The following ZNF385D variants were observed in gnomAD, a reference collection of about 807,000 sequenced individuals.
ZNF385D encodes the protein zinc finger protein 385D.
Under a neutral mutation model 35.8 loss-of-function variants are expected in ZNF385D, and 15 were observed. The ratio of observed to expected loss-of-function variants is 0.42; its 90% CI spans 0.28 to 0.64. ZNF385D has a LOEUF of 0.64. Among genes scored for constraint, ZNF385D ranks in the 30% least tolerant of loss-of-function variants. The pLI is 0.23. For synonymous variants in ZNF385D, 212 were observed against 186.8 expected (o/e 1.13, Z -1.10); for missense variants, 474 against 494.6 (o/e 0.96, Z 0.39).
rs1174154689 is a variant in ZNF385D, at chr3:22,311,781, C to A, written c.106+60669G>T. ...CTAGTACTTTTAAAAACTTCAAAAA[C>A]GCAGATGAAGCTACAATAAATTGAG... On this transcript the variant is annotated intron_variant, in intron 2 of 5. Coordinates refer to the ZNF385D transcript ENST00000494108. Among the ~76,000 whole-genome samples the A allele has an allele frequency of 2.6e-5, 4 of 152,000 alleles. No homozygotes were observed. In the East Asian group the frequency reaches 7.7e-4, roughly 29 times the overall value.
intron 2 of ZNF385D, among the ~76,000 whole-genome samples, chr3:22,365,696 C>T (rs1428379197): frequency 1.3e-5 from 2 of 152,032 alleles, no homozygotes; most frequent in Admixed American, 1.3e-4. Context: ...AGCTTTTTAC[C>T]ATAAACACTT....
chr3:22,196,629 T>C (rs1435146456), intron 2 of ZNF385D, among the ~76,000 whole-genome samples: 1 of 152,052 alleles, frequency 6.6e-6, no homozygotes, highest in African/African-American at 2.4e-5. Context: ...CCATTGCAGA[T>C]TGCTAATTTT....
chr3:21,757,118 C>CTT (rs1444669950), intron 3 of ZNF385D, among the ~76,000 whole-genome samples: 4 of 55,918 alleles, frequency 7.2e-5, no homozygotes, highest in Admixed American at 4.5e-4. Context: ...TGATAAATTT[C>CTT]TCTTTTTTTT....
intron 3 of ZNF385D, among the ~76,000 whole-genome samples, chr3:22,005,818 G>A (rs1009209023): frequency 1.3e-5 from 2 of 151,970 alleles, no homozygotes; most frequent in African/African-American, 4.8e-5. Flanking sequence ...TCATGTCTTT[G>A]TTCTAATAGG....
intron 3 of ZNF385D, among the ~76,000 whole-genome samples, chr3:21,985,421 T>G (rs1694751073): frequency 8.6e-6 from 1 of 116,538 alleles, no homozygotes; most frequent in Admixed American, 7.7e-5. Flanking sequence ...TCTATTGAGA[T>G]AATCATGTGG....
chr3:22,193,335 A>G (rs1162614605), intron 2 of ZNF385D, among the ~76,000 whole-genome samples: 1 of 152,072 alleles, frequency 6.6e-6, no homozygotes, highest in African/African-American at 2.4e-5. Context: ...TTGTTTGTAC[A>G]CATTTTTCTA....
rs1009175885 is a variant in ZNF385D, at chr3:21,879,022, C to A, written c.326-213994G>T. Reference sequence around the variant, plus strand: ...TGCCAACAGTAGTTCTCTTGTGATACACTACCAGAAAAAATATGTGCCTTT... The same window carrying A: ...TGCCAACAGTAGTTCTCTTGTGATAAACTACCAGAAAAAATATGTGCCTTT... On this transcript the variant is annotated intron_variant, in intron 3 of 5. Coordinates refer to the ZNF385D transcript ENST00000494108. Among the ~76,000 whole-genome samples the A allele has an allele frequency of 3.3e-5, 5 of 151,984 alleles. No individual in the cohort carries two copies. The East Asian group carries it at 9.7e-4, about 29-fold the overall frequency.
upstream of ZNF385D, among the ~76,000 whole-genome samples, chr3:21,752,013 C>CCA (rs1553652576): frequency 1.1e-4 from 6 of 53,814 alleles, no homozygotes; most frequent in Admixed American, 3.7e-4. Flanking sequence ...ACCCACCCCC[C>CCA]TCCCCCCCCC....
intron 2 of ZNF385D, among the ~76,000 whole-genome samples, chr3:21,628,742 A>G (rs2065201720): frequency 6.6e-6 from 1 of 152,128 alleles, no homozygotes; most frequent in Admixed American, 6.6e-5. Flanking sequence ...GGGAATCTGA[A>G]TTGTGATAAG....
chr3:21,943,600 ATAC>A (rs1701640162), intron 3 of ZNF385D, among the ~76,000 whole-genome samples: 2 of 152,096 alleles, frequency 1.3e-5, no homozygotes, highest in African/African-American at 4.8e-5. Flanking sequence ...CAAATTATAT[ATAC>A]TACTTTGTAA....
rs530357803 is a variant in ZNF385D, at chr3:22,106,050, GA to G, written c.325+62766del. ...CCCTAGCATATGCTTAGTCATTATT[GA>G]TAGGATAAATCACCCCTAGGACTCT... On this transcript the variant is annotated intron_variant, in intron 3 of 5. Transcript: ENST00000494108. Among the ~76,000 whole-genome samples the G allele has an allele frequency of 5.6e-3, 845 of 152,112 alleles. 13 individuals carry two copies. Among genetic ancestry groups the G allele is most frequent in the African/African-American group, 0.018 (765 of 41,520 alleles).
chr3:21,698,894 G>T (rs896219696), intron 1 of ZNF385D, among the ~76,000 whole-genome samples: 4 of 152,140 alleles, frequency 2.6e-5, no homozygotes, highest in Non-Finnish European at 5.9e-5. Context: ...CTGTCGGTGG[G>T]AATGAAAATT....
upstream of ZNF385D, among the ~76,000 whole-genome samples, chr3:21,753,839 C>T (rs2070220845): frequency 6.6e-6 from 1 of 151,326 alleles, no homozygotes; most frequent in African/African-American, 2.4e-5. Context: ...GCAACATCTC[C>T]CTAATACTCT....
chr3:21,609,987 T>C (rs1404203377), intron 2 of ZNF385D, among the ~76,000 whole-genome samples: 1 of 152,198 alleles, frequency 6.6e-6, no homozygotes, highest in Non-Finnish European at 1.5e-5. Context: ...CCCACTTTTC[T>C]TAAACTAAGC....
chr3:22,300,653 G>C (rs1237561410), intron 2 of ZNF385D, among the ~76,000 whole-genome samples: 1 of 151,860 alleles, frequency 6.6e-6, no homozygotes, highest in Non-Finnish European at 1.5e-5. Context: ...TTTTTCTAAA[G>C]AAGGCATACA....
chr3:21,884,714 T>C (rs1319215625), intron 3 of ZNF385D, among the ~76,000 whole-genome samples: 1 of 152,066 alleles, frequency 6.6e-6, no homozygotes, highest in East Asian at 1.9e-4. Context: ...GGAAATACTA[T>C]ATAATTGTGT....
chr3:21,524,354 T>C (rs1708099454), intron 3 of ZNF385D, among the ~76,000 whole-genome samples: 1 of 152,184 alleles, frequency 6.6e-6, no homozygotes. Context: ...TGAAACACAA[T>C]CCTTCATCAG....
intron 2 of ZNF385D, among the ~76,000 whole-genome samples, chr3:22,325,205 A>T (rs1694621983): frequency 6.6e-6 from 1 of 152,202 alleles, no homozygotes; most frequent in Non-Finnish European, 1.5e-5. Flanking sequence ...TTTATTAGAT[A>T]ACTGTTCTAC....
At chr3:21,693,486 A>G (rs1181218504) in intron 1 of ZNF385D, among the ~76,000 whole-genome samples, 1 of 152,160 alleles carries the variant, frequency 6.6e-6, no homozygotes, top group South Asian at 2.1e-4. Context: ...ACTCAAGCAA[A>G]GGAAACTTAC....
Sources: gnomAD v4.1 joint callset for allele counts (sites outside exome capture counted in the v4.1 genomes callset) on GRCh38, gnomAD v4.1.1 for gene constraint, MANE v1.5 for transcripts, NCBI Gene and HGNC (gene_info 2026-07-23, HGNC 2026-07-21) for gene names.